The following PCNX2 variants were observed in gnomAD, a reference collection of about 807,000 sequenced individuals.
PCNX2 encodes the protein pecanex-like protein 2.
PCNX2 carries 168 observed loss-of-function variants against 223.8 expected under a neutral mutation model. The ratio of observed to expected loss-of-function variants is 0.75; its 90% CI spans 0.66 to 0.85. The LOEUF is 0.85. Ranked by LOEUF, PCNX2 falls within the 40% of genes least tolerant of loss-of-function variation. PCNX2 has a pLI of 0.00. For synonymous variants in PCNX2, 1,006 were observed against 1,052.6 expected (o/e 0.96, Z 0.86); for missense variants, 2,507 against 2,675.5 (o/e 0.94, Z 1.39).
intron 1 of PCNX2, chr1:233,289,410 C>T (rs1661631348): frequency 7.0e-7 from 1 of 1,418,936 alleles, no homozygotes; most frequent in Admixed American, 1.7e-5. Context: ...CGGCTTCTCG[C>T]CATTAGGCTT....
At chr1:233,103,076 GT>G (rs1038044570) in intron 21 of PCNX2, among the ~76,000 whole-genome samples, 5 of 151,958 alleles carry the variant, frequency 3.3e-5, no homozygotes, top group Non-Finnish European at 5.9e-5. Flanking sequence ...GAAACTAGAT[GT>G]TTCATCCCTC....
At chr1:233,285,047 A>G (rs978093697) in intron 1 of PCNX2, 5 of 981,524 alleles carry the variant, frequency 5.1e-6, no homozygotes, top group African/African-American at 1.7e-5. Flanking sequence ...ACCATGTTGG[A>G]CATGTAGTAT....
chr1:233,032,990 T>A (rs1671323158), intron 25 of PCNX2: 2 of 985,198 alleles, frequency 2.0e-6, no homozygotes, highest in South Asian at 9.4e-5. Context: ...CAAATGTAAA[T>A]CAAGGCCCAT....
At chr1:233,035,111 G>T (rs547108527) in intron 25 of PCNX2, among the ~76,000 whole-genome samples, 2 of 152,192 alleles carry the variant, frequency 1.3e-5, no homozygotes, top group South Asian at 4.1e-4. Flanking sequence ...GACTTCAAAG[G>T]GACGTTAAAC....
At chr1:233,037,594 G>A (rs545313266) in intron 25 of PCNX2, among the ~76,000 whole-genome samples, 1 of 151,892 alleles carries the variant, frequency 6.6e-6, no homozygotes. Context: ...AATCCTCCCG[G>A]GATTACAGAC....
intron 21 of PCNX2, among the ~76,000 whole-genome samples, chr1:233,106,588 G>A (rs539946056): frequency 3.2e-4 from 48 of 151,864 alleles, no homozygotes; most frequent in Non-Finnish European, 2.5e-4. Flanking sequence ...TCCTTACCTC[G>A]TGATCCGCCC....
chr1:233,323,513 T>C, the PCNX2 span, among the ~76,000 whole-genome samples: 3 of 152,250 alleles, frequency 2.0e-5, no homozygotes, highest in African/African-American at 7.2e-5. Flanking sequence ...TCCAACAGCA[T>C]TTGCTCACTT....
At position 232,999,331 on chromosome 1, in the gene PCNX2, G is replaced by A. The variant is rs1396045874; in HGVS notation, c.5377C>T (p.Leu1793Phe). The change falls in exon 31 of 34, where the codon CTT becomes TTT. Residue 1793 changes from leucine to phenylalanine, a missense_variant. Leu to Phe is a conservative substitution (Grantham distance 22). Coordinates refer to ENST00000258229, the MANE Select transcript of PCNX2 (RefSeq NM_014801.4). ...GGATTGCGGTTGCGAAGAAATATAA[G>A]CTCCTGCTGCTGCCCGGCCCAAAGT... ...RGLWAGQQQE[L>F]IFLRNRNPER... 3 of 1,601,874 alleles carry A rather than the reference G, an allele frequency of 1.9e-6. No homozygotes were observed. The highest frequency in any genetic ancestry group is 2.6e-6 in the Non-Finnish European group (3 of 1,174,076).
At chr1:232,988,555 A>G (rs1323111322) in intron 32 of PCNX2, among the ~76,000 whole-genome samples, 2 of 152,200 alleles carry the variant, frequency 1.3e-5, no homozygotes, top group Non-Finnish European at 2.9e-5. Context: ...CAAGTTATGA[A>G]TGTTTCTAGG....
At chr1:232,984,676 T>A in intron 33 of PCNX2, 199 bp from the exon 34 acceptor site, 1 of 550,654 alleles carries the variant, frequency 1.8e-6, no homozygotes, top group Non-Finnish European at 3.1e-6. Context: ...TGAAGCAGCA[T>A]CTGAGACACA....
intron 25 of PCNX2, chr1:233,031,785 C>A: frequency 1.1e-6 from 1 of 934,888 alleles, no homozygotes; most frequent in Non-Finnish European, 1.3e-6. Context: ...TGAAAGCATT[C>A]TTTTTTTTTT....
At chr1:233,035,387 C>T (rs982152706) in intron 25 of PCNX2, among the ~76,000 whole-genome samples, 1 of 152,160 alleles carries the variant, frequency 6.6e-6, no homozygotes, top group African/African-American at 2.4e-5. Flanking sequence ...AATATGATTA[C>T]ATTTAAAACA....
chr1:233,292,933 T>A (rs778504176), intron 1 of PCNX2, among the ~76,000 whole-genome samples: 25 of 152,236 alleles, frequency 1.6e-4, no homozygotes, highest in Admixed American at 1.3e-4. Context: ...TATCTGTTTT[T>A]TTTTAAAGTC....
chr1:233,210,525 C>T lies in PCNX2; in HGVS notation c.2692-1836G>A, dbSNP rs149134548. Reference sequence around the variant, plus strand: ...AACTCCTGACCTCAGGTGATCCACCCGACTTGGCCTCCCAAAGTGCTGGGA... The same window carrying T: ...AACTCCTGACCTCAGGTGATCCACCTGACTTGGCCTCCCAAAGTGCTGGGA... On this transcript the variant is annotated intron_variant, in intron 12 of 33. Coordinates refer to ENST00000258229, the MANE Select transcript of PCNX2 (RefSeq NM_014801.4). The T allele has an allele frequency of 1.1e-3, 1,038 of 922,768 alleles. 5 individuals are homozygous for T. The African/African-American group carries it at 0.016, about 15-fold the overall frequency. 57.2% of individuals were successfully genotyped at this position (922,768 alleles called of 1,614,324 possible).
At chr1:233,294,425 G>GA (rs1248282201) in intron 1 of PCNX2, among the ~76,000 whole-genome samples, 1 of 152,086 alleles carries the variant, frequency 6.6e-6, no homozygotes, top group Non-Finnish European at 1.5e-5. Flanking sequence ...TACACTGCCG[G>GA]AAAAAGAGTA....
intron 22 of PCNX2, among the ~76,000 whole-genome samples, chr1:233,090,441 T>C (rs901287384): frequency 6.6e-6 from 1 of 152,208 alleles, no homozygotes; most frequent in Non-Finnish European, 1.5e-5. Flanking sequence ...GTCTGATTCA[T>C]GGCAAAGGTT....
chr1:233,075,038 C>CTA (rs1003083583), intron 23 of PCNX2, among the ~76,000 whole-genome samples: 9 of 151,940 alleles, frequency 5.9e-5, no homozygotes, highest in Middle Eastern at 3.2e-3. Context: ...AAAAAGAAAA[C>CTA]TAAAAAAAAT....
chr1:233,279,059 T>A (rs1661053178), intron 1 of PCNX2, among the ~76,000 whole-genome samples: 1 of 152,160 alleles, frequency 6.6e-6, no homozygotes, highest in South Asian at 2.1e-4. Context: ...TCCAAAGAGC[T>A]CTAGTTTCTT....
intron 27 of PCNX2, among the ~76,000 whole-genome samples, chr1:233,015,955 A>G (rs1670642377): frequency 6.6e-6 from 1 of 152,126 alleles, no homozygotes; most frequent in African/African-American, 2.4e-5. Context: ...AAGTCAAAAT[A>G]TCTTTTGCAA....
Sources: allele counts gnomAD v4.1 joint callset (sites outside exome capture counted in the v4.1 genomes callset), GRCh38; gene constraint gnomAD v4.1.1; transcripts MANE v1.5; gene names NCBI Gene and HGNC (gene_info 2026-07-23, HGNC 2026-07-21).